The following PTPRG variants were observed in gnomAD, a reference collection of about 807,000 sequenced individuals.
The protein encoded by PTPRG is protein tyrosine phosphatase receptor type G.
PTPRG carries 102 observed loss-of-function variants against 165.3 expected under a neutral mutation model. The ratio of observed to expected loss-of-function variants is 0.62; its 90% CI spans 0.53 to 0.73. The LOEUF (loss-of-function observed/expected upper bound fraction) is 0.73, where lower values mean the gene tolerates loss of function less well. Among genes scored for constraint, PTPRG ranks in the 30% least tolerant of loss-of-function variants. The probability of loss-of-function intolerance (pLI) is 0.00; values close to 1 mark genes in which losing one functional copy is unlikely to be tolerated. For synonymous variants in PTPRG, 675 were observed against 669.5 expected, an observed-to-expected ratio of 1.01 and a Z score of -0.13; for missense variants, 1,866 against 1,861.4, an observed-to-expected ratio of 1.00 and a Z score of -0.05.
intron 2 of PTPRG, among the ~76,000 whole-genome samples, chr3:61,942,490 G>T (rs2039655528): frequency 6.6e-6 from 1 of 152,126 alleles, no homozygotes; most frequent in Non-Finnish European, 1.5e-5. Flanking sequence ...TCAATTTTAG[G>T]TTCAACAAAT....
chr3:62,152,515 C>G (rs1488093769), intron 6 of PTPRG, among the ~76,000 whole-genome samples: 2 of 152,164 alleles, frequency 1.3e-5, no homozygotes, highest in Non-Finnish European at 1.5e-5. Context: ...GTGGACAGTA[C>G]TAGAAATGTA....
chr3:62,193,466 A>G (rs1327351685), intron 9 of PTPRG, among the ~76,000 whole-genome samples: 1 of 152,212 alleles, frequency 6.6e-6, no homozygotes, highest in Non-Finnish European at 1.5e-5. Context: ...TAATTTTTCT[A>G]ATTCCTCAGC....
intron 2 of PTPRG, among the ~76,000 whole-genome samples, chr3:61,834,947 G>T (rs2107307913): frequency 6.6e-6 from 1 of 152,256 alleles, no homozygotes; most frequent in Middle Eastern, 3.4e-3. Context: ...CATCTAGATT[G>T]CCCACCCAAG....
At chr3:61,736,211 T>TTA (rs2032717574) in intron 1 of PTPRG, among the ~76,000 whole-genome samples, 1 of 151,430 alleles carries the variant, frequency 6.6e-6, no homozygotes, top group Admixed American at 6.6e-5. Flanking sequence ...CCCGGCCATT[T>TTA]TTTTTTTTTT....
At chr3:62,167,053 G>C (rs1310258962) in intron 7 of PTPRG, among the ~76,000 whole-genome samples, 1 of 152,056 alleles carries the variant, frequency 6.6e-6, no homozygotes, top group Non-Finnish European at 1.5e-5. Flanking sequence ...TTCCATAAAA[G>C]TTAGATCGGC....
At chr3:61,705,878 G>A (rs1292951984) in intron 1 of PTPRG, among the ~76,000 whole-genome samples, 1 of 152,110 alleles carries the variant, frequency 6.6e-6, no homozygotes, top group Non-Finnish European at 1.5e-5. Flanking sequence ...TTTTGCTTTT[G>A]ACCTTTCCTG....
intron 1 of PTPRG, among the ~76,000 whole-genome samples, chr3:61,709,840 A>G (rs1209077106): frequency 6.6e-6 from 1 of 152,124 alleles, no homozygotes; most frequent in Admixed American, 6.5e-5. Context: ...CCACTGTGCC[A>G]GTGGTTCTCA....
At chr3:61,881,246 C>T (rs572903319) in intron 2 of PTPRG, among the ~76,000 whole-genome samples, 1 of 152,174 alleles carries the variant, frequency 6.6e-6, no homozygotes, top group Non-Finnish European at 1.5e-5. Context: ...TCATGATTCT[C>T]TGTGAGAAGA....
chr3:62,000,356 T>A (rs2041144133), intron 3 of PTPRG, among the ~76,000 whole-genome samples: 1 of 151,724 alleles, frequency 6.6e-6, no homozygotes. Context: ...TCTGCCTGTA[T>A]ATTCTTACCC....
chr3:62,061,447 G>A (rs533808436), intron 4 of PTPRG, among the ~76,000 whole-genome samples: 1 of 152,180 alleles, frequency 6.6e-6, no homozygotes, highest in East Asian at 1.9e-4. Context: ...TGAAGTCATG[G>A]TTTTGATATT....
At chr3:62,280,183 G>T (rs1205913699) in intron 26 of PTPRG, among the ~76,000 whole-genome samples, 1 of 151,914 alleles carries the variant, frequency 6.6e-6, no homozygotes, top group Non-Finnish European at 1.5e-5. Flanking sequence ...AAACTGCCTT[G>T]TACATACAGC....
At chr3:61,995,724 C>A (rs1288853551) in intron 3 of PTPRG, among the ~76,000 whole-genome samples, 2 of 143,966 alleles carry the variant, frequency 1.4e-5, no homozygotes, top group Non-Finnish European at 3.0e-5. Context: ...TCCTTCCTTC[C>A]TTCCTTCCTT....
chr3:62,150,107 T>G (rs1223587306), intron 6 of PTPRG, among the ~76,000 whole-genome samples: 1 of 152,180 alleles, frequency 6.6e-6, no homozygotes, highest in Non-Finnish European at 1.5e-5. Context: ...TGCAAAACAG[T>G]GGTCAGGATA....
chr3:62,265,230 G>A (rs926653405), intron 17 of PTPRG, among the ~76,000 whole-genome samples: 1 of 152,072 alleles, frequency 6.6e-6, no homozygotes, highest in Non-Finnish European at 1.5e-5. Flanking sequence ...TTCTCATTCT[G>A]TGCATTGTCT....
intron 2 of PTPRG, among the ~76,000 whole-genome samples, chr3:61,926,552 T>G (rs192845264): frequency 6.8e-6 from 1 of 147,588 alleles, no homozygotes; most frequent in Non-Finnish European, 1.5e-5. Flanking sequence ...CTTCATAAAT[T>G]ACTCAGTCTC....
chr3:62,156,780 A>G (rs563057782), intron 6 of PTPRG, among the ~76,000 whole-genome samples: 45 of 152,208 alleles, frequency 3.0e-4, no homozygotes, highest in African/African-American at 1.0e-3. Context: ...TATTTTGTCT[A>G]TTTCCTGGGG....
intron 2 of PTPRG, among the ~76,000 whole-genome samples, chr3:61,915,148 G>T (rs528730650): frequency 6.6e-6 from 1 of 152,330 alleles, no homozygotes; most frequent in African/African-American, 2.4e-5. Context: ...AGAATCGCTT[G>T]AACCCAGGTG....
At chr3:61,810,463 T>C (rs1559624306) in intron 2 of PTPRG, among the ~76,000 whole-genome samples, 3 of 152,128 alleles carry the variant, frequency 2.0e-5, no homozygotes, top group African/African-American at 4.8e-5. Flanking sequence ...GAATGATTTC[T>C]TTTTAGGTGC....
intron 2 of PTPRG, among the ~76,000 whole-genome samples, chr3:61,836,990 A>C (rs1190525492): frequency 6.6e-6 from 1 of 151,944 alleles, no homozygotes; most frequent in Non-Finnish European, 1.5e-5. Context: ...GGCTTACTGC[A>C]GCCTTCACCT....
Sources: allele counts gnomAD v4.1 joint callset (sites outside exome capture counted in the v4.1 genomes callset), GRCh38; gene constraint gnomAD v4.1.1; transcripts MANE v1.5; gene names NCBI Gene and HGNC (gene_info 2026-07-23, HGNC 2026-07-21).